The following LGSN variants were observed in gnomAD, a reference collection of about 807,000 sequenced individuals.
The protein encoded by LGSN is lengsin, lens protein with glutamine synthetase domain, also known as lengsin.
A neutral mutation model predicts 19.5 loss-of-function variants in LGSN; 21 were observed. The ratio of observed to expected loss-of-function variants is 1.07; its 90% CI spans 0.76 to 1.55. LGSN has a LOEUF of 1.55. Ranked by LOEUF, LGSN falls within the 40% of genes most tolerant of loss-of-function variation. The pLI, the probability that LGSN is intolerant of heterozygous loss-of-function variation, is 0.00. For missense variants in LGSN, 673 were observed against 608.5 expected (o/e 1.11, Z -1.12); for synonymous variants, 257 against 215.6 (o/e 1.19, Z -1.68).
At chr6:63,459,185 A>G in the LGSN span, among the ~76,000 whole-genome samples, 1 of 152,180 alleles carries the variant, frequency 6.6e-6, no homozygotes, top group Admixed American at 6.5e-5. Context: ...CTAAAATGGA[A>G]GTCAGAAATC....
the LGSN span, among the ~76,000 whole-genome samples, chr6:63,502,945 A>G: frequency 1.7e-4 from 26 of 152,262 alleles, no homozygotes; most frequent in Non-Finnish European, 3.5e-4. Context: ...GTAAGAATCT[A>G]TGAATTAATT....
chr6:63,390,307 G>T, the LGSN span, among the ~76,000 whole-genome samples: 1 of 150,364 alleles, frequency 6.7e-6, no homozygotes, highest in South Asian at 2.1e-4. Context: ...TTTTTGTATC[G>T]TTAGTAGAGA....
At chr6:63,526,803 G>GTATATATATATATATATATATATA in the LGSN span, among the ~76,000 whole-genome samples, 5 of 101,436 alleles carry the variant, frequency 4.9e-5, no homozygotes, top group African/African-American at 1.7e-4. Flanking sequence ...TCTCAAAAAT[G>GTATATATATATATATATATATATA]TATATATATA....
intron 1 of LGSN, among the ~76,000 whole-genome samples, chr6:63,308,811 A>G (rs1394321944): frequency 5.3e-5 from 8 of 152,192 alleles, no homozygotes; most frequent in African/African-American, 1.9e-4. Context: ...AACTTAAAAG[A>G]ATATGTCAAA....
At chr6:63,429,522 G>A in the LGSN span, among the ~76,000 whole-genome samples, 5 of 152,062 alleles carry the variant, frequency 3.3e-5, no homozygotes, top group South Asian at 1.0e-3. Context: ...AATCACTTGA[G>A]GTCAGGAGTT....
chr6:63,307,224 T>C (rs925940192), intron 1 of LGSN, among the ~76,000 whole-genome samples: 1 of 152,206 alleles, frequency 6.6e-6, no homozygotes, highest in African/African-American at 2.4e-5. Context: ...ATGTGATAAA[T>C]ACATTACCAT....
the LGSN span, among the ~76,000 whole-genome samples, chr6:63,497,835 C>A: frequency 6.6e-6 from 1 of 151,510 alleles, no homozygotes; most frequent in Non-Finnish European, 1.5e-5. Flanking sequence ...GCTGACCTAG[C>A]ATAGTTAATT....
the LGSN span, among the ~76,000 whole-genome samples, chr6:63,482,548 G>A: frequency 6.6e-6 from 1 of 152,146 alleles, no homozygotes; most frequent in African/African-American, 2.4e-5. Flanking sequence ...GGGCAGCATA[G>A]CAAGACTCCA....
At chr6:63,326,189 T>A in the LGSN span, among the ~76,000 whole-genome samples, 1 of 151,386 alleles carries the variant, frequency 6.6e-6, no homozygotes, top group African/African-American at 2.5e-5. Flanking sequence ...AAGGTGCTGA[T>A]TGGTGTGTTA....
chr6:63,540,567 GC>G, the LGSN span, among the ~76,000 whole-genome samples: 1 of 152,032 alleles, frequency 6.6e-6, no homozygotes, highest in Non-Finnish European at 1.5e-5. Flanking sequence ...GTTGCAGTAA[GC>G]CAAGATTGCT....
At chr6:63,415,732 C>A in the LGSN span, among the ~76,000 whole-genome samples, 2 of 152,184 alleles carry the variant, frequency 1.3e-5, no homozygotes, top group African/African-American at 4.8e-5. Flanking sequence ...ACTTCCACTG[C>A]CTAAAAGTCA....
the LGSN span, among the ~76,000 whole-genome samples, chr6:63,430,206 T>C: frequency 6.6e-6 from 1 of 152,086 alleles, no homozygotes; most frequent in Non-Finnish European, 1.5e-5. Context: ...ACTGGTTATG[T>C]CCTCCATCAC....
chr6:63,377,577 T>C, the LGSN span, among the ~76,000 whole-genome samples: 1 of 152,036 alleles, frequency 6.6e-6, no homozygotes, highest in Non-Finnish European at 1.5e-5. Flanking sequence ...AAAATAAGCT[T>C]CCCAGAGAAA....
At chr6:63,422,171 C>T in the LGSN span, among the ~76,000 whole-genome samples, 2 of 152,262 alleles carry the variant, frequency 1.3e-5, no homozygotes, top group East Asian at 3.9e-4. Flanking sequence ...TCAAGCGATC[C>T]TCCCACCTCA....
the LGSN span, among the ~76,000 whole-genome samples, chr6:63,470,698 TG>T: frequency 1.3e-5 from 2 of 152,024 alleles, no homozygotes; most frequent in Admixed American, 6.6e-5. Flanking sequence ...TGTTCTTGGT[TG>T]GGGAGCCGCC....
the LGSN span, among the ~76,000 whole-genome samples, chr6:63,563,807 C>T: frequency 2.0e-5 from 3 of 152,102 alleles, no homozygotes; most frequent in Non-Finnish European, 4.4e-5. Flanking sequence ...CTCCAGTGAA[C>T]ACCATTGTTA....
the LGSN span, among the ~76,000 whole-genome samples, chr6:63,427,815 C>T: frequency 6.6e-6 from 1 of 152,198 alleles, no homozygotes. Context: ...CTCTGGCTCC[C>T]TCAAAACTCT....
chr6:63,495,943 AAAAG>A, the LGSN span, among the ~76,000 whole-genome samples: 1 of 151,738 alleles, frequency 6.6e-6, no homozygotes, highest in Admixed American at 6.6e-5. Flanking sequence ...TTTTAAAAAA[AAAAG>A]ACAGAGTCTC....
chr6:63,572,428 G>A, the LGSN span: 3 of 366,990 alleles, frequency 8.2e-6, no homozygotes, highest in African/African-American at 6.3e-5. Context: ...TTGGTGGCTG[G>A]AGGGTTGCAC....
Sources: gnomAD v4.1 joint callset for allele counts (sites outside exome capture counted in the v4.1 genomes callset) on GRCh38, gnomAD v4.1.1 for gene constraint, MANE v1.5 for transcripts, NCBI Gene and HGNC (gene_info 2026-07-23, HGNC 2026-07-21) for gene names.